DICER1: variants seen among roughly 807,000 people sequenced by gnomAD.
DICER1 encodes the protein endoribonuclease Dicer.
A neutral mutation model predicts 194.1 loss-of-function variants in DICER1; 43 were observed. The ratio of observed to expected loss-of-function variants is 0.22; its 90% CI spans 0.17 to 0.29. The LOEUF (loss-of-function observed/expected upper bound fraction) is 0.29. Ranked by LOEUF, DICER1 falls within the 10% of genes least tolerant of loss-of-function variation. DICER1 has a pLI of 1.00. For missense variants in DICER1, 1,608 were observed against 2,317.0 expected, an observed-to-expected ratio of 0.69 and a Z score of 6.28; for synonymous variants, 832 against 820.5, an observed-to-expected ratio of 1.01 and a Z score of -0.24.
intron 1 of DICER1, among the ~76,000 whole-genome samples, chr14:95,148,933 T>A (rs1895323745): frequency 6.6e-6 from 1 of 150,436 alleles, no homozygotes; most frequent in South Asian, 2.1e-4. Context: ...ACTTTACTCT[T>A]TTTTTTTATT....
At chr14:95,114,065 T>C (rs1892220844) in intron 11 of DICER1, among the ~76,000 whole-genome samples, 1 of 152,052 alleles carries the variant, frequency 6.6e-6, no homozygotes, top group Non-Finnish European at 1.5e-5. Flanking sequence ...CTGAAACAAA[T>C]ACAGATGTAA....
At chr14:95,128,912 C>G (rs1445496838) in intron 6 of DICER1, 2 of 152,498 alleles carry the variant, frequency 1.3e-5, no homozygotes, top group African/African-American at 4.8e-5. Context: ...TAAAGGCTCC[C>G]TTCCACCAAC....
intron 1 of DICER1, among the ~76,000 whole-genome samples, chr14:95,145,372 T>C (rs1370615563): frequency 6.6e-6 from 1 of 152,120 alleles, no homozygotes; most frequent in Non-Finnish European, 1.5e-5. Flanking sequence ...ATTTAAACAG[T>C]TTTGTATTCA....
Position 95,116,669 on chromosome 14 carries a change from C to G in DICER1, c.1536G>C (p.Glu512Asp), listed in dbSNP as rs1375042165. 6.2e-7 allele frequency: 1 copy of G among 1,613,558 alleles called. No individual in the cohort carries two copies. ...EEVLRKFRAHETNLLIATSIV... is the reference protein window; with the variant it reads ...EEVLRKFRAHDTNLLIATSIV... ...TACTTGTTGCAATAAGCAGGTTGGT[C>G]TCATGTGCTCGAAATTTCCTAAGTA... The change falls in exon 10 of 27, where the codon GAG (glutamate) becomes GAC (aspartate). Residue 512 changes from glutamate (E) to aspartate (D), a missense_variant. Physicochemically the swap from Glu to Asp is conservative, Grantham distance 45 (BLOSUM62 2). This residue lies in a region of DICER1 where 657 missense variants were observed against 910.1 expected (regional missense o/e 0.72). Coordinates refer to ENST00000343455, the MANE Select transcript of DICER1 (RefSeq NM_177438.3).
At chr14:95,097,615 G>C (rs1369586786) in intron 22 of DICER1, among the ~76,000 whole-genome samples, 1 of 151,970 alleles carries the variant, frequency 6.6e-6, no homozygotes, top group Non-Finnish European at 1.5e-5. Flanking sequence ...TTTCTGTTAT[G>C]CAAGTTTTTA....
chr14:95,112,237 A>G lies in DICER1; in HGVS notation c.2051T>C (p.Met684Thr), dbSNP rs1319798252. 1.9e-6 allele frequency: 3 copies of G among 1,609,982 alleles called. No homozygotes were observed. The highest frequency in any genetic ancestry group is 2.7e-5 in the African/African-American group (2 of 74,840). Residue 684 changes from methionine (M) to threonine (T), a missense_variant, in exon 13 of 27, where the codon ATG (methionine) becomes ACG (threonine). This residue lies in a region of DICER1 where 657 missense variants were observed against 910.1 expected (regional missense o/e 0.72). Transcript: ENST00000343455. ...TCTTTCAGCCAATCGTACACAGCTCATTGGTGGACCCTGAAAATAACAAAA... is the reference window on the plus strand; with the variant it reads ...TCTTTCAGCCAATCGTACACAGCTCGTTGGTGGACCCTGAAAATAACAAAA... The part of the protein sequence containing the change: ...PLRASIVGPP[M>T]SCVRLAERVV...
intron 5 of DICER1, 53 bp from the exon 6 acceptor site, chr14:95,129,685 CAA>C: frequency 6.6e-7 from 1 of 1,506,482 alleles, no homozygotes; most frequent in Non-Finnish European, 9.1e-7. Context: ...AAGGCTATAA[CAA>C]GAGAGACATC....
chr14:95,125,533 AGAGGGAGAGGGAGAAGGTCGGGG>A (rs1893335802), intron 7 of DICER1, among the ~76,000 whole-genome samples: 1 of 93,140 alleles, frequency 1.1e-5, no homozygotes, highest in Non-Finnish European at 2.0e-5. Flanking sequence ...AGAGAGGGAG[AGAGGGAGAGGGAGAAGGTCGGGG>A]GAGGGAGAGG....
Position 95,126,752 on chromosome 14 carries a change from T to C in DICER1, c.735-4A>G, listed in dbSNP as rs988767619. The C allele has an allele frequency of 6.3e-7, 1 of 1,593,136 alleles. No homozygotes were observed. The highest frequency in any genetic ancestry group is 2.3e-5 in the East Asian group (1 of 44,284). ...CTCACATGGCTGAGAAGTATACCTT[T>C]AACATAAGAAACAAAAGGTATCAAT... is the stretch of plus-strand genomic sequence containing the variant. On this transcript the variant is annotated splice_polypyrimidine_tract_variant and splice_region_variant and intron_variant, in intron 6 of 26. Transcript: ENST00000343455.
intron 1 of DICER1, among the ~76,000 whole-genome samples, chr14:95,143,496 C>T (rs796581449): frequency 1.4e-4 from 22 of 152,246 alleles, no homozygotes; most frequent in African/African-American, 5.3e-4. Flanking sequence ...GGAAATAACA[C>T]TCAATCGCCT....
At chr14:95,109,884 A>G (rs1245527246) in intron 14 of DICER1, among the ~76,000 whole-genome samples, 3 of 152,234 alleles carry the variant, frequency 2.0e-5, no homozygotes, top group African/African-American at 7.2e-5. Context: ...CCACATTCAC[A>G]TAACTTTTAT....
chr14:95,152,218 C>T (rs1002579016), intron 1 of DICER1, among the ~76,000 whole-genome samples: 2 of 152,206 alleles, frequency 1.3e-5, no homozygotes, highest in African/African-American at 4.8e-5. Flanking sequence ...ATTTTGACGG[C>T]GATTTTCTCC....
intron 22 of DICER1, 133 bp downstream of exon 22, chr14:95,099,642 ATCTAC>A (rs1890674982): frequency 3.7e-6 from 4 of 1,085,824 alleles, no homozygotes; most frequent in African/African-American, 3.2e-5. Flanking sequence ...TATATCAAAT[ATCTAC>A]TCTATTATAA....
chr14:95,102,201 C>T (rs892190700), intron 21 of DICER1, among the ~76,000 whole-genome samples: 1 of 152,134 alleles, frequency 6.6e-6, no homozygotes, highest in Admixed American at 6.6e-5. Flanking sequence ...CTGAAATTCT[C>T]ACTCACCTCA....
At chr14:95,127,076 C>T (rs73331526) in intron 6 of DICER1, among the ~76,000 whole-genome samples, 1,623 of 152,232 alleles carry the variant, frequency 0.011, 26 homozygotes, top group African/African-American at 0.038. Context: ...AATTTACATA[C>T]CTTCTAACTG....
chr14:95,136,034 T>C (rs998466508), intron 1 of DICER1, among the ~76,000 whole-genome samples: 4 of 151,630 alleles, frequency 2.6e-5, no homozygotes, highest in Admixed American at 6.6e-5. Flanking sequence ...TAAAGAGCTA[T>C]GATACATGTA....
At chr14:95,092,046 C>T (rs193098276) in intron 24 of DICER1, among the ~76,000 whole-genome samples, 2 of 152,230 alleles carry the variant, frequency 1.3e-5, no homozygotes, top group Admixed American at 6.5e-5. Context: ...GATACATAAG[C>T]GTATTTATCA....
At chr14:95,130,751 T>C (rs751835301) in intron 4 of DICER1, among the ~76,000 whole-genome samples, 5 of 152,198 alleles carry the variant, frequency 3.3e-5, no homozygotes, top group Non-Finnish European at 7.3e-5. Context: ...CCCCAGTACA[T>C]GCTGGCTACA....
At chr14:95,142,426 C>T (rs1054207976) in intron 1 of DICER1, among the ~76,000 whole-genome samples, 6 of 152,152 alleles carry the variant, frequency 3.9e-5, no homozygotes, top group African/African-American at 1.4e-4. Context: ...GCAAAGACCA[C>T]GCACACCAAC....
Sources: gnomAD v4.1 joint callset for allele counts (sites outside exome capture counted in the v4.1 genomes callset) on GRCh38, gnomAD v4.1.1 for gene constraint, gnomAD v4.1.1 regional missense constraint, MANE v1.5 for transcripts, NCBI Gene and HGNC (gene_info 2026-07-23, HGNC 2026-07-21) for gene names.